Variants in SEC24B observed in about 807,000 individuals in gnomAD.
The protein encoded by SEC24B is SEC24 homolog B, COPII component.
SEC24B carries 45 observed loss-of-function variants against 142.8 expected under a neutral mutation model. The ratio of observed to expected loss-of-function variants is 0.32; its 90% CI spans 0.25 to 0.40. The LOEUF is 0.40. Among genes scored for constraint, SEC24B ranks in the 10% least tolerant of loss-of-function variants. The pLI, the probability that SEC24B is intolerant of heterozygous loss-of-function variation, is 1.00. For missense variants in SEC24B, 1,409 were observed against 1,526.8 expected (o/e 0.92, Z 1.29); for synonymous variants, 574 against 568.2 (o/e 1.01, Z -0.15).
chr4:109,469,848 G>C (rs1732333604), intron 2 of SEC24B, among the ~76,000 whole-genome samples: 1 of 152,020 alleles, frequency 6.6e-6, no homozygotes, highest in African/African-American at 2.4e-5. Flanking sequence ...ATGAAAAAAA[G>C]AAAAACATAA....
At chr4:109,461,159 A>G (rs548999613) in intron 1 of SEC24B, among the ~76,000 whole-genome samples, 3 of 152,310 alleles carry the variant, frequency 2.0e-5, no homozygotes, top group East Asian at 1.9e-4. Context: ...CACCCAAATG[A>G]GAGTCTCAGC....
At chr4:109,530,983 CTCT>C (rs1724870483) in intron 19 of SEC24B, among the ~76,000 whole-genome samples, 1 of 151,108 alleles carries the variant, frequency 6.6e-6, no homozygotes, top group South Asian at 2.1e-4. Context: ...ACCATATTCT[CTCT>C]TCTTTAATGT....
intron 3 of SEC24B, 130 bp from the exon 4 acceptor site, chr4:109,481,547 A>G (rs891253631): frequency 1.7e-5 from 11 of 640,896 alleles, no homozygotes; most frequent in Admixed American, 2.6e-5. Flanking sequence ...GAATTTGCTA[A>G]TATTAATATG....
At chr4:109,463,665 A>C in intron 2 of SEC24B, 21 bp downstream of exon 2, 1 of 1,597,480 alleles carries the variant, frequency 6.3e-7, no homozygotes, top group Non-Finnish European at 8.5e-7. Flanking sequence ...TGAAAAGTTC[A>C]CCAAAACATG....
intron 1 of SEC24B, among the ~76,000 whole-genome samples, chr4:109,443,306 C>G (rs1032258331): frequency 6.6e-6 from 1 of 152,194 alleles, no homozygotes; most frequent in African/African-American, 2.4e-5. Context: ...TGTTCCCTCT[C>G]TTTTAAGAAC....
intron 16 of SEC24B, 27 bp downstream of exon 16, chr4:109,525,531 A>G (rs1053639477): frequency 1.1e-5 from 17 of 1,498,806 alleles, no homozygotes; most frequent in South Asian, 1.0e-4. Context: ...GTTATATTTT[A>G]TATTAAATAC....
intron 1 of SEC24B, among the ~76,000 whole-genome samples, chr4:109,457,246 C>G (rs896338043): frequency 6.6e-6 from 1 of 152,174 alleles, no homozygotes; most frequent in African/African-American, 2.4e-5. Context: ...CTTAAAACAA[C>G]ATAAATGTAT....
At chr4:109,466,985 CTAT>C (rs1731967894) in intron 2 of SEC24B, among the ~76,000 whole-genome samples, 1 of 152,050 alleles carries the variant, frequency 6.6e-6, no homozygotes, top group South Asian at 2.1e-4. Context: ...TTAGAAAAGC[CTAT>C]TAGTACATTA....
At chr4:109,448,296 G>T (rs1364161560) in intron 1 of SEC24B, among the ~76,000 whole-genome samples, 1 of 151,988 alleles carries the variant, frequency 6.6e-6, no homozygotes, top group African/African-American at 2.4e-5. Flanking sequence ...ATCAAACCAG[G>T]GAGTAACAAT....
At chr4:109,437,260 G>A (rs1461031882) in intron 1 of SEC24B, among the ~76,000 whole-genome samples, 1 of 152,104 alleles carries the variant, frequency 6.6e-6, no homozygotes, top group Non-Finnish European at 1.5e-5. Flanking sequence ...TGCAGAATGA[G>A]AGTAGAGTGA....
chr4:109,521,861 A>G (rs1245503342), intron 14 of SEC24B, among the ~76,000 whole-genome samples: 1 of 151,152 alleles, frequency 6.6e-6, no homozygotes, highest in Non-Finnish European at 1.5e-5. Flanking sequence ...CCTCCTGAGT[A>G]GCTGGGATTA....
chr4:109,442,489 A>G (rs748346623), intron 1 of SEC24B, among the ~76,000 whole-genome samples: 1 of 152,172 alleles, frequency 6.6e-6, no homozygotes, highest in African/African-American at 2.4e-5. Context: ...ACATTCTTCG[A>G]TCTGATTCTA....
intron 14 of SEC24B, among the ~76,000 whole-genome samples, chr4:109,522,574 T>C (rs2126074995): frequency 6.6e-6 from 1 of 152,352 alleles, no homozygotes; most frequent in East Asian, 1.9e-4. Context: ...TAAAACTTAC[T>C]AAATGTAACT....
chr4:109,531,542 T>G lies in SEC24B; in HGVS notation c.3390+20T>G. ...GATGAGGTATGTATTTTAGTGCATT[T>G]GAAATGTTTAAATTTGAATATATTT... On this transcript the variant is annotated intron_variant, in intron 20 of 23. Coordinates refer to ENST00000265175, the MANE Select transcript of SEC24B (RefSeq NM_006323.5). 1 of 1,563,606 alleles carries G rather than the reference T, an allele frequency of 6.4e-7. No individual in the cohort carries two copies. The highest frequency in any genetic ancestry group is 8.8e-7 in the Non-Finnish European group (1 of 1,136,534).
chr4:109,449,777 T>G (rs75315467), intron 1 of SEC24B, among the ~76,000 whole-genome samples: 2 of 152,122 alleles, frequency 1.3e-5, no homozygotes, highest in African/African-American at 4.8e-5. Flanking sequence ...CACCATCACA[T>G]TGGGCCTCAG....
chr4:109,459,728 C>T (rs1731067878), intron 1 of SEC24B, among the ~76,000 whole-genome samples: 1 of 152,120 alleles, frequency 6.6e-6, no homozygotes, highest in Non-Finnish European at 1.5e-5. Flanking sequence ...AAAAGAATGA[C>T]ATTTGAATAG....
chr4:109,462,815 A>C, intron 1 of SEC24B, 86 bp from the exon 2 acceptor site: 1 of 1,093,520 alleles, frequency 9.1e-7, no homozygotes. Context: ...TGGAAAAGAA[A>C]GTTAATTGCT....
chr4:109,495,772 T>A (rs1735477505), intron 6 of SEC24B, among the ~76,000 whole-genome samples: 1 of 152,162 alleles, frequency 6.6e-6, no homozygotes, highest in African/African-American at 2.4e-5. Context: ...GTCTAGCCCC[T>A]AGTTCCTGCC....
chr4:109,506,211 C>A, intron 6 of SEC24B, 117 bp from the exon 7 acceptor site: 3 of 634,228 alleles, frequency 4.7e-6, no homozygotes, highest in East Asian at 3.4e-5. Context: ...GCATACCAAG[C>A]CAGATTTAAA....
Sources: allele counts gnomAD v4.1 joint callset (sites outside exome capture counted in the v4.1 genomes callset), GRCh38; gene constraint gnomAD v4.1.1; transcripts MANE v1.5; gene names NCBI Gene and HGNC (gene_info 2026-07-23, HGNC 2026-07-21).